Variants in RALA observed in about 807,000 individuals in gnomAD.
The protein encoded by RALA is ras-related protein Ral-A.
A neutral mutation model predicts 24.0 loss-of-function variants in RALA; 5 were observed. The observed-to-expected ratio is 0.21, with a 90% CI of 0.11 to 0.44. The LOEUF is 0.44. Ranked by LOEUF, RALA falls within the 20% of genes least tolerant of loss-of-function variation. The pLI is 0.99. For missense variants in RALA, 95 were observed against 241.2 expected, an observed-to-expected ratio of 0.39 and a Z score of 4.01; for synonymous variants, 77 against 83.8, an observed-to-expected ratio of 0.92 and a Z score of 0.44.
intron 1 of RALA, among the ~76,000 whole-genome samples, chr7:39,642,919 T>C (rs761102639): frequency 3.9e-5 from 6 of 152,232 alleles, no homozygotes; most frequent in East Asian, 1.9e-4. Context: ...ATTCATTTCT[T>C]TAGTTAGTTT....
chr7:39,689,894 C>T (rs1249640849), intron 2 of RALA, among the ~76,000 whole-genome samples: 4 of 152,106 alleles, frequency 2.6e-5, no homozygotes, highest in African/African-American at 9.7e-5. Flanking sequence ...GGGAAGAAGT[C>T]TCATAAAGTT....
At chr7:39,667,998 G>A (rs999790470) in intron 1 of RALA, among the ~76,000 whole-genome samples, 2 of 152,226 alleles carry the variant, frequency 1.3e-5, no homozygotes, top group African/African-American at 4.8e-5. Context: ...ATAAAAGAAA[G>A]TCTAGCCAAT....
chr7:39,704,027 A>AT (rs1237511595), intron 4 of RALA, among the ~76,000 whole-genome samples: 1 of 151,818 alleles, frequency 6.6e-6, no homozygotes, highest in Non-Finnish European at 1.5e-5. Context: ...TTAGCCAGAC[A>AT]TGGTGGTGCC....
rs1198570169 is a variant in RALA, at chr7:39,687,395, C to T, written c.114+614C>T. ...TGAGCCGAGATCGCGCCACTGCACT[C>T]CAGCCTGGGCGACAGAGCAAGACTC... On this transcript the variant is annotated intron_variant, in intron 2 of 4. Transcript: ENST00000005257. Among the ~76,000 whole-genome samples, 6 of 151,902 alleles carry T rather than the reference C, an allele frequency of 3.9e-5. No individual in the cohort carries two copies. In the South Asian group the frequency reaches 1.0e-3, roughly 26 times the overall value.
chr7:39,659,371 A>G (rs1792147652), intron 1 of RALA, among the ~76,000 whole-genome samples: 2 of 152,086 alleles, frequency 1.3e-5, no homozygotes, highest in South Asian at 2.1e-4. Context: ...AAGATGTTTT[A>G]TGATTTTCAG....
chr7:39,692,301 C>T (rs1247388193), intron 3 of RALA, among the ~76,000 whole-genome samples: 3 of 152,196 alleles, frequency 2.0e-5, no homozygotes, highest in Non-Finnish European at 4.4e-5. Flanking sequence ...TCACACTTAA[C>T]ACCTATTCCT....
At chr7:39,668,917 C>A (rs369390758) in intron 1 of RALA, among the ~76,000 whole-genome samples, 2 of 151,162 alleles carry the variant, frequency 1.3e-5, no homozygotes, top group African/African-American at 4.9e-5. Context: ...AGATCGAGAC[C>A]ATCCAGGCCG....
Position 39,707,560 on chromosome 7 carries a change from A to T in RALA, c.*1315A>T, listed in dbSNP as rs974337942. On this transcript the variant is annotated 3_prime_UTR_variant, in exon 5 of 5. Transcript: ENST00000005257. ...CCTGCTGGAAGAATTCTAGCATGCT[A>T]CTTGGGGACATAATTTCAGTGGGAA... 2.2e-4 allele frequency: 34 copies of T among 151,858 alleles called. No individual in the cohort carries two copies. Among genetic ancestry groups the T allele is most frequent in the African/African-American group, 8.2e-4 (34 of 41,314 alleles). 9.4% of individuals were successfully genotyped at this position (151,858 alleles called of 1,614,324 possible).
In RALA at chr7:39,668,384, A is replaced by G. The variant is rs1439172187; in HGVS notation, c.-37-18247A>G. Among the ~76,000 whole-genome samples, 8 of 152,346 alleles carry G rather than the reference A, an allele frequency of 5.3e-5. No individual in the cohort carries two copies. In the East Asian group the frequency reaches 1.3e-3, roughly 26 times the overall value. ...GTAGAAATAGGTGGTCATCCATTAT[A>G]ATTTTGAAGAATTCAAAACAGCTCT... On this transcript the variant is annotated intron_variant, in intron 1 of 4. Coordinates refer to ENST00000005257, the MANE Select transcript of RALA (RefSeq NM_005402.4).
chr7:39,695,296 T>G (rs78625183), intron 3 of RALA, among the ~76,000 whole-genome samples: 2,230 of 152,314 alleles, frequency 0.015, 38 homozygotes, highest in African/African-American at 0.049. Flanking sequence ...TCCTCCCATG[T>G]ACCTTAAGTC....
At chr7:39,680,332 C>T (rs2116049045) in intron 1 of RALA, among the ~76,000 whole-genome samples, 1 of 151,394 alleles carries the variant, frequency 6.6e-6, no homozygotes, top group African/African-American at 2.4e-5. Context: ...GCTGAGATCG[C>T]ACCATTGCAC....
At chr7:39,635,330 G>A (rs1216502795) in intron 1 of RALA, among the ~76,000 whole-genome samples, 3 of 152,124 alleles carry the variant, frequency 2.0e-5, no homozygotes, top group Non-Finnish European at 1.5e-5. Flanking sequence ...AGCCGAGATC[G>A]TGCCACTACA....
chr7:39,646,801 A>G (rs898484130), intron 1 of RALA, among the ~76,000 whole-genome samples: 3 of 152,206 alleles, frequency 2.0e-5, no homozygotes, highest in Admixed American at 6.5e-5. Flanking sequence ...ACAGAACTCT[A>G]GAGCCTCCCA....
intron 1 of RALA, among the ~76,000 whole-genome samples, chr7:39,674,567 A>G (rs527726492): frequency 2.0e-4 from 31 of 152,292 alleles, no homozygotes; most frequent in African/African-American, 7.5e-4. Flanking sequence ...AGTACTCTGC[A>G]TCACTGTTAG....
At chr7:39,687,399 C>A (rs1276455337) in intron 2 of RALA, among the ~76,000 whole-genome samples, 1 of 151,764 alleles carries the variant, frequency 6.6e-6, no homozygotes, top group Non-Finnish European at 1.5e-5. Flanking sequence ...TGCACTCCAG[C>A]CTGGGCGACA....
intron 1 of RALA, among the ~76,000 whole-genome samples, chr7:39,634,964 CTTA>C (rs1252308376): frequency 1.3e-5 from 2 of 152,072 alleles, no homozygotes; most frequent in Admixed American, 6.6e-5. Flanking sequence ...ATTTCCTTTG[CTTA>C]TTATTTTTCT....
chr7:39,634,760 A>G (rs1380895969), intron 1 of RALA, among the ~76,000 whole-genome samples: 1 of 152,172 alleles, frequency 6.6e-6, no homozygotes, highest in Non-Finnish European at 1.5e-5. Context: ...CTAAGAATAA[A>G]ATAAAACTTG....
chr7:39,624,755 G>A (rs1044315140), intron 1 of RALA, among the ~76,000 whole-genome samples: 9 of 152,188 alleles, frequency 5.9e-5, no homozygotes, highest in Non-Finnish European at 2.9e-5. Flanking sequence ...TTTACAAATT[G>A]TGTGGTGTGG....
chr7:39,680,550 T>G (rs910412641), intron 1 of RALA, among the ~76,000 whole-genome samples: 1 of 150,360 alleles, frequency 6.7e-6, no homozygotes, highest in African/African-American at 2.5e-5. Context: ...CACTGTAGCC[T>G]GGGTGACAGA....
Sources: allele counts gnomAD v4.1 joint callset (sites outside exome capture counted in the v4.1 genomes callset), GRCh38; gene constraint gnomAD v4.1.1; transcripts MANE v1.5; gene names NCBI Gene and HGNC (gene_info 2026-07-23, HGNC 2026-07-21).